Variants in CACNA2D1 observed in about 807,000 individuals in gnomAD.
CACNA2D1 encodes calcium voltage-gated channel auxiliary subunit alpha2delta 1.
A neutral mutation model predicts 171.5 loss-of-function variants in CACNA2D1; 53 were observed. That is an observed-to-expected ratio of 0.31 (90% CI 0.25 to 0.39). The LOEUF (loss-of-function observed/expected upper bound fraction) is 0.39. CACNA2D1 is among the 10% of genes least tolerant of loss of function. The pLI is 1.00. For missense variants in CACNA2D1, 903 were observed against 1,299.8 expected (o/e 0.69, Z 4.69); for synonymous variants, 442 against 443.1 (o/e 1.00, Z 0.03).
intron 1 of CACNA2D1, among the ~76,000 whole-genome samples, chr7:82,429,250 AATC>A (rs1404124873): frequency 3.3e-5 from 5 of 152,204 alleles, no homozygotes; most frequent in Non-Finnish European, 5.9e-5. Flanking sequence ...ACTTGATATA[AATC>A]ATTATAATAT....
intron 5 of CACNA2D1, among the ~76,000 whole-genome samples, chr7:82,131,873 C>T (rs886184682): frequency 2.0e-5 from 3 of 152,064 alleles, no homozygotes; most frequent in Admixed American, 6.6e-5. Context: ...CCAGCCAACG[C>T]ATATATAAAG....
At chr7:82,228,546 T>A (rs1482515685) in intron 3 of CACNA2D1, among the ~76,000 whole-genome samples, 1 of 152,182 alleles carries the variant, frequency 6.6e-6, no homozygotes, top group African/African-American at 2.4e-5. Context: ...TAGAGATTTC[T>A]GAATTTTGAA....
At chr7:82,148,326 A>G (rs1486532261) in intron 4 of CACNA2D1, among the ~76,000 whole-genome samples, 1 of 146,044 alleles carries the variant, frequency 6.8e-6, no homozygotes, top group Non-Finnish European at 1.5e-5. Context: ...CATAGTTAGA[A>G]AAAAAAAAAA....
chr7:82,039,484 T>G (rs1158369488), intron 10 of CACNA2D1, among the ~76,000 whole-genome samples: 6 of 152,194 alleles, frequency 3.9e-5, no homozygotes, highest in Non-Finnish European at 8.8e-5. Context: ...TCTACAAATG[T>G]AAATCATTTC....
intron 31 of CACNA2D1, 26 bp from the exon 32 acceptor site, chr7:81,965,691 C>T (rs376388569): frequency 3.5e-6 from 5 of 1,417,846 alleles, no homozygotes; most frequent in East Asian, 2.3e-5. Context: ...GAACAGTTAA[C>T]ACATTTTTAG....
At chr7:81,971,587 G>T (rs937018894) in intron 26 of CACNA2D1, among the ~76,000 whole-genome samples, 190 bp downstream of exon 26, 1 of 151,696 alleles carries the variant, frequency 6.6e-6, no homozygotes, top group Middle Eastern at 3.4e-3. Flanking sequence ...TTGAGTAATA[G>T]CAGACATTAG....
intron 38 of CACNA2D1, among the ~76,000 whole-genome samples, chr7:81,954,710 C>T (rs1463403752): frequency 2.0e-5 from 3 of 152,106 alleles, no homozygotes; most frequent in African/African-American, 7.2e-5. Context: ...TTATAGCCAT[C>T]ATTTAATTTC....
rs189040104 is a variant in CACNA2D1 at position 82,135,818 on chromosome 7, T to C, written c.396+817A>G. 1.2e-3 allele frequency among the ~76,000 whole-genome samples: 181 copies of C among 152,282 alleles called. 2 individuals carry two copies. The highest frequency in any genetic ancestry group is 5.0e-3 in the East Asian group (26 of 5,184). ...GTGTGAAAGACATGTAATACTTTTA[T>C]TATATTTGTTTGCTATGTTTACTGA... On this transcript the variant is annotated intron_variant, in intron 5 of 38. Transcript: ENST00000356860.
chr7:82,356,643 C>T (rs1372364459), intron 1 of CACNA2D1, among the ~76,000 whole-genome samples: 2 of 151,736 alleles, frequency 1.3e-5, no homozygotes, highest in African/African-American at 2.4e-5. Context: ...AAATGAAATG[C>T]AATTGCACTA....
At chr7:82,054,572 C>T (rs1805580257) in intron 10 of CACNA2D1, among the ~76,000 whole-genome samples, 1 of 152,114 alleles carries the variant, frequency 6.6e-6, no homozygotes, top group Non-Finnish European at 1.5e-5. Context: ...TAAGTCTTTC[C>T]TAGAGTTACT....
intron 1 of CACNA2D1, among the ~76,000 whole-genome samples, chr7:82,393,083 A>AAGGAAGGAAGGC (rs1208617777): frequency 0.026 from 2,111 of 81,850 alleles, 29 homozygotes; most frequent in African/African-American, 0.046. Flanking sequence ...GGAAGGAAGG[A>AAGGAAGGAAGGC]AGGCAGGCAG....
intron 10 of CACNA2D1, among the ~76,000 whole-genome samples, chr7:82,039,963 G>A (rs1159683513): frequency 6.6e-6 from 1 of 152,186 alleles, no homozygotes; most frequent in Non-Finnish European, 1.5e-5. Flanking sequence ...GAAATGGAAA[G>A]TCACTGGAAG....
intron 1 of CACNA2D1, among the ~76,000 whole-genome samples, chr7:82,437,318 C>T (rs17148126): frequency 0.065 from 9,891 of 152,030 alleles, 360 homozygotes; most frequent in Middle Eastern, 0.1. Flanking sequence ...CAGAAGACCA[C>T]CATAGCGTAT....
intron 11 of CACNA2D1, among the ~76,000 whole-genome samples, chr7:82,033,447 C>CA (rs1163129099): frequency 6.6e-6 from 1 of 151,858 alleles, no homozygotes; most frequent in Non-Finnish European, 1.5e-5. Context: ...ATAGTATAAA[C>CA]AAAAAATAAC....
intron 38 of CACNA2D1, among the ~76,000 whole-genome samples, chr7:81,951,970 T>TTTTTTTTTTTTTTTGTTTG (rs1554321659): frequency 8.3e-5 from 2 of 23,960 alleles, no homozygotes; most frequent in African/African-American, 1.7e-4. Context: ...GTACAAAGTG[T>TTTTTTTTTTTTTTTGTTTG]TTTTTTTTTT....
At chr7:82,015,411 T>A (rs969860707) in intron 12 of CACNA2D1, among the ~76,000 whole-genome samples, 2 of 152,162 alleles carry the variant, frequency 1.3e-5, no homozygotes, top group African/African-American at 2.4e-5. Flanking sequence ...TATTGACTGT[T>A]CCTAACATGC....
At chr7:82,075,306 G>A (rs1484103166) in intron 7 of CACNA2D1, among the ~76,000 whole-genome samples, 1 of 152,126 alleles carries the variant, frequency 6.6e-6, no homozygotes, top group East Asian at 1.9e-4. Flanking sequence ...TTATTTAAAG[G>A]GGTATCTGTC....
intron 7 of CACNA2D1, among the ~76,000 whole-genome samples, chr7:82,082,645 C>T (rs538572986): frequency 2.0e-5 from 3 of 151,204 alleles, no homozygotes; most frequent in South Asian, 2.1e-4. Flanking sequence ...AGGATTTACC[C>T]AGGACTTATA....
intron 3 of CACNA2D1, among the ~76,000 whole-genome samples, chr7:82,275,574 A>G (rs1043755096): frequency 3.9e-5 from 6 of 152,128 alleles, no homozygotes; most frequent in Non-Finnish European, 7.4e-5. Flanking sequence ...TGCTTTTAGT[A>G]TACTCTCCAG....
Sources: gnomAD v4.1 joint callset for allele counts (sites outside exome capture counted in the v4.1 genomes callset) on GRCh38, gnomAD v4.1.1 for gene constraint, MANE v1.5 for transcripts, NCBI Gene and HGNC (gene_info 2026-07-23, HGNC 2026-07-21) for gene names.